The following MACROD2 variants were observed in gnomAD, a reference collection of about 807,000 sequenced individuals.
The protein encoded by MACROD2 is ADP-ribose glycohydrolase MACROD2.
MACROD2 carries 36 observed loss-of-function variants against 70.4 expected under a neutral mutation model. The ratio of observed to expected loss-of-function variants is 0.51; its 90% CI spans 0.39 to 0.68. The LOEUF is 0.68. MACROD2 is among the 30% of genes least tolerant of loss of function. The pLI is 0.00. For missense variants in MACROD2, 496 were observed against 538.4 expected, an observed-to-expected ratio of 0.92 and a Z score of 0.78; for synonymous variants, 172 against 178.8, an observed-to-expected ratio of 0.96 and a Z score of 0.30.
chr20:14,308,316 G>A (rs2082537468), intron 3 of MACROD2, among the ~76,000 whole-genome samples: 1 of 152,124 alleles, frequency 6.6e-6, no homozygotes, highest in African/African-American at 2.4e-5. Context: ...TGAAGAATAT[G>A]TCAGCTGAAG....
At chr20:14,629,199 G>C (rs1984366566) in intron 4 of MACROD2, among the ~76,000 whole-genome samples, 2 of 151,970 alleles carry the variant, frequency 1.3e-5, no homozygotes, top group South Asian at 4.2e-4. Context: ...TGCCGTTTTT[G>C]AACCAATGTA....
chr20:14,804,896 A>T lies in MACROD2; in HGVS notation c.418+119937A>T, dbSNP rs1055265742. On this transcript the variant is annotated intron_variant, in intron 5 of 17. Coordinates refer to ENST00000684519, the MANE Select transcript of MACROD2 (RefSeq NM_001351661.2). ...GTGCTTTTGTGTGTGTGTGTGTGAG[A>T]GAGAGAGAGAGAGAGACAGAGAGAG... Among the ~76,000 whole-genome samples, 9 of 148,864 alleles carry T rather than the reference A, an allele frequency of 6.0e-5. 1 individual carries two copies. Among genetic ancestry groups the T allele is most frequent in the Admixed American group, 2.7e-4 (4 of 15,000 alleles).
At chr20:14,049,079 G>A (rs1011005335) in intron 2 of MACROD2, among the ~76,000 whole-genome samples, 2 of 150,044 alleles carry the variant, frequency 1.3e-5, no homozygotes, top group African/African-American at 2.4e-5. Context: ...GCTGAAATAC[G>A]TGTTGAAAAT....
Position 13,995,652 on chromosome 20 carries a change from T to C in MACROD2, c.-112T>C. 1.1e-6 allele frequency: 1 copy of C among 942,706 alleles called. No homozygotes were observed. 58.4% of individuals were successfully genotyped at this position (942,706 alleles called of 1,614,324 possible). A position where few individuals can be genotyped will look rare whatever the true frequency, so the allele number is the denominator to read the frequency against. On this transcript the variant is annotated 5_prime_UTR_variant, in exon 1 of 18. Transcript: ENST00000684519. This position sits in a 1 kb window ranked among gnomAD's most constrained non-coding sequence, Gnocchi z 4.3. ...GAGCAGCGCAGGACGCAGAGCCTCT[T>C]TCACTTTTTCCCTGCTGAGTGCCCC...
At chr20:15,171,304 C>G (rs1430143379) in intron 5 of MACROD2, among the ~76,000 whole-genome samples, 2 of 151,486 alleles carry the variant, frequency 1.3e-5, no homozygotes, top group African/African-American at 4.9e-5. Flanking sequence ...CTCCATCTCT[C>G]CTCCTCCACC....
At chr20:14,261,372 T>C (rs1051302530) in intron 3 of MACROD2, among the ~76,000 whole-genome samples, 7 of 152,218 alleles carry the variant, frequency 4.6e-5, no homozygotes, top group African/African-American at 1.7e-4. Context: ...AATCTATCTT[T>C]TTTCTACTTT....
intron 11 of MACROD2, among the ~76,000 whole-genome samples, chr20:15,935,847 T>C (rs6043627): frequency 0.96 from 145,472 of 152,268 alleles, 69,733 homozygotes; most frequent in East Asian, 1. Flanking sequence ...TGATAAATGC[T>C]TTGCTGAGAA....
chr20:15,308,802 C>T (rs1048712159), intron 6 of MACROD2, among the ~76,000 whole-genome samples: 1 of 152,138 alleles, frequency 6.6e-6, no homozygotes, highest in African/African-American at 2.4e-5. Flanking sequence ...CTCTCCAGCC[C>T]GGCTTTCATG....
At chr20:14,083,478 T>C (rs2054029144) in intron 2 of MACROD2, among the ~76,000 whole-genome samples, 2 of 152,050 alleles carry the variant, frequency 1.3e-5, no homozygotes, top group African/African-American at 4.8e-5. Context: ...GCAAACATTC[T>C]AAGTGTAATG....
At chr20:15,191,461 G>T (rs1024425783) in intron 5 of MACROD2, among the ~76,000 whole-genome samples, 1 of 152,058 alleles carries the variant, frequency 6.6e-6, no homozygotes, top group Non-Finnish European at 1.5e-5. Context: ...GGGCCAAAGG[G>T]TGTGGCGTGG....
chr20:15,486,783 C>T (rs2047168507), intron 7 of MACROD2, among the ~76,000 whole-genome samples: 1 of 152,214 alleles, frequency 6.6e-6, no homozygotes, highest in Non-Finnish European at 1.5e-5. Context: ...TGTATATCCT[C>T]AGAGGGATTT....
chr20:14,160,462 C>A (rs1052918299), intron 3 of MACROD2, among the ~76,000 whole-genome samples: 1 of 152,198 alleles, frequency 6.6e-6, no homozygotes, highest in Non-Finnish European at 1.5e-5. Flanking sequence ...GTTGTATGTA[C>A]CAGAAATTTA....
chr20:14,813,606 G>A (rs2072740787), intron 5 of MACROD2, among the ~76,000 whole-genome samples: 1 of 151,894 alleles, frequency 6.6e-6, no homozygotes, highest in Non-Finnish European at 1.5e-5. Context: ...ATATTTTAAA[G>A]GATACAAATA....
intron 2 of MACROD2, among the ~76,000 whole-genome samples, chr20:14,066,929 A>G (rs61262733): frequency 1.5e-3 from 225 of 146,554 alleles, no homozygotes; most frequent in African/African-American, 4.0e-3. Context: ...CTCCTGCCTC[A>G]GCCTCCCGAG....
In MACROD2 at chr20:14,381,050, A is replaced by G. The variant is rs1209707190; in HGVS notation, c.272-112429A>G. On this transcript the variant is annotated intron_variant, in intron 3 of 17. Transcript: ENST00000684519. Reference sequence around the variant, plus strand: ...CTAATAGTTCATCTCCTGATTTATAACTCTGCTAGTACAAGTCTATGCTTT... The same window carrying G: ...CTAATAGTTCATCTCCTGATTTATAGCTCTGCTAGTACAAGTCTATGCTTT... Among the ~76,000 whole-genome samples the G allele has an allele frequency of 4.6e-5, 7 of 152,140 alleles. No individual in the cohort carries two copies. The East Asian group carries it at 1.3e-3, about 29-fold the overall frequency.
At chr20:15,095,840 G>A (rs189157730) in intron 5 of MACROD2, among the ~76,000 whole-genome samples, 49 of 150,510 alleles carry the variant, frequency 3.3e-4, no homozygotes, top group African/African-American at 1.2e-3. Flanking sequence ...AGTTCTTTAT[G>A]TTTGAATAAC....
intron 5 of MACROD2, among the ~76,000 whole-genome samples, chr20:15,013,373 A>T (rs780501513): frequency 3.9e-5 from 6 of 152,142 alleles, no homozygotes; most frequent in Non-Finnish European, 8.8e-5. Context: ...CTTCTTGGGC[A>T]TGGTAGACAC....
At chr20:15,839,746 A>G (rs1000118501) in intron 8 of MACROD2, among the ~76,000 whole-genome samples, 1 of 152,112 alleles carries the variant, frequency 6.6e-6, no homozygotes, top group East Asian at 1.9e-4. Flanking sequence ...CAACACAAAC[A>G]TATATATGAA....
intron 13 of MACROD2, chr20:15,985,722 G>A (rs930296460): frequency 3.3e-5 from 5 of 152,234 alleles, no homozygotes; most frequent in South Asian, 2.1e-4. Flanking sequence ...GGGCTGCCTC[G>A]GCTGTCCATC....
Sources: allele counts gnomAD v4.1 joint callset (sites outside exome capture counted in the v4.1 genomes callset), GRCh38; gene constraint gnomAD v4.1.1; non-coding constraint Gnocchi (gnomAD v3.1); transcripts MANE v1.5; gene names NCBI Gene and HGNC (gene_info 2026-07-23, HGNC 2026-07-21).